Variants in AMBRA1 observed in about 807,000 individuals in gnomAD.
AMBRA1 encodes the protein activating molecule in BECN1-regulated autophagy protein 1.
A neutral mutation model predicts 125.4 loss-of-function variants in AMBRA1; 47 were observed. That is an observed-to-expected ratio of 0.37 (90% confidence interval 0.30 to 0.48). The LOEUF (loss-of-function observed/expected upper bound fraction) is 0.48, where lower values mean the gene tolerates loss of function less well. Among genes scored for constraint, AMBRA1 ranks in the 20% least tolerant of loss-of-function variants. AMBRA1 has a pLI of 0.99. For missense variants in AMBRA1, 1,331 were observed against 1,693.4 expected (o/e 0.79, Z 3.76); for synonymous variants, 626 against 655.5 (o/e 0.95, Z 0.69).
chr11:46,573,087 G>A (rs529592859), intron 1 of AMBRA1, among the ~76,000 whole-genome samples: 1 of 142,406 alleles, frequency 7.0e-6, no homozygotes, highest in Admixed American at 7.2e-5. Flanking sequence ...GGCAACAAGA[G>A]CAAAACTCTG....
intron 11 of AMBRA1, among the ~76,000 whole-genome samples, chr11:46,449,596 C>A (rs1380509817): frequency 6.6e-6 from 1 of 152,184 alleles, no homozygotes; most frequent in Non-Finnish European, 1.5e-5. Context: ...AATGTCAATT[C>A]TTCTCAGCTG....
chr11:46,454,184 T>C lies in AMBRA1; in HGVS notation c.2522-10586A>G, dbSNP rs185304081. On this transcript the variant is annotated intron_variant, in intron 11 of 17. Coordinates refer to ENST00000683756, the MANE Select transcript of AMBRA1 (RefSeq NM_001387011.1). ...ATGAGGAAAGGAAAAGAAATAGCTATGAAATTTTTTTTTAATTTTTAATTT... is the reference window on the plus strand; with the variant it reads ...ATGAGGAAAGGAAAAGAAATAGCTACGAAATTTTTTTTTAATTTTTAATTT... Among the ~76,000 whole-genome samples, 420 of 152,082 alleles carry C rather than the reference T, an allele frequency of 2.8e-3. 3 individuals are homozygous for C. The highest frequency in any genetic ancestry group is 9.8e-3 in the African/African-American group (405 of 41,504).
rs1289638734 is a variant in AMBRA1 at position 46,543,126 on chromosome 11, G to C, written c.891C>G (p.Pro297=). Residue 297 remains proline (P), a synonymous_variant, in exon 7 of 18, where the codon CCC becomes CCG. Transcript: ENST00000683756. ...CAAGGTGCTGGCAGCACTCAGCTGT[G>C]GGGTAACTGACCCGCTGTCGGAGCC... is the stretch of plus-strand genomic sequence containing the variant. The part of the protein sequence containing the change: ...YIRLRQRVSY[P]TAECCQHLGI... 2.5e-6 allele frequency: 4 copies of C among 1,571,484 alleles called. No homozygotes were observed. The highest frequency in any genetic ancestry group is 3.4e-6 in the Non-Finnish European group (4 of 1,164,382).
intron 1 of AMBRA1, among the ~76,000 whole-genome samples, chr11:46,585,665 C>CAAAAAAAAAAAAA (rs1157368065): frequency 1.3e-4 from 1 of 7,598 alleles, no homozygotes; most frequent in Non-Finnish European, 2.1e-4. Flanking sequence ...GACTCCATCT[C>CAAAAAAAAAAAAA]AAAAAAAAAA....
chr11:46,575,490 C>T (rs1591168561), intron 1 of AMBRA1, among the ~76,000 whole-genome samples: 1 of 143,090 alleles, frequency 7.0e-6, no homozygotes. Context: ...TTATAAACAA[C>T]AGAAATTTGT....
At chr11:46,461,447 G>C (rs1949085110) in intron 11 of AMBRA1, among the ~76,000 whole-genome samples, 1 of 152,212 alleles carries the variant, frequency 6.6e-6, no homozygotes, top group Non-Finnish European at 1.5e-5. Context: ...CAATAGGAAG[G>C]AAGGAAGCAA....
intron 11 of AMBRA1, among the ~76,000 whole-genome samples, chr11:46,448,064 T>TA (rs1329018195): frequency 6.6e-6 from 1 of 152,188 alleles, no homozygotes; most frequent in Admixed American, 6.5e-5. Context: ...TGTCCTTGTG[T>TA]AAGAGACTGG....
At chr11:46,430,949 CA>C in intron 14 of AMBRA1, among the ~76,000 whole-genome samples, 1 of 152,204 alleles carries the variant, frequency 6.6e-6, no homozygotes, top group African/African-American at 2.4e-5. Flanking sequence ...TGTTCTCAGA[CA>C]AAAATTCACT....
intron 11 of AMBRA1, among the ~76,000 whole-genome samples, chr11:46,485,567 C>T (rs1022028422): frequency 6.6e-6 from 1 of 152,202 alleles, no homozygotes; most frequent in Non-Finnish European, 1.5e-5. Flanking sequence ...AGACAGTAAA[C>T]TCCCTGAGGG....
At chr11:46,485,188 T>G (rs188978838) in intron 11 of AMBRA1, among the ~76,000 whole-genome samples, 1 of 152,250 alleles carries the variant, frequency 6.6e-6, no homozygotes, top group African/African-American at 2.4e-5. Context: ...TCCGCCCGCC[T>G]TGGCCTCCCA....
chr11:46,454,496 G>A (rs1948758552), intron 11 of AMBRA1, among the ~76,000 whole-genome samples: 1 of 150,234 alleles, frequency 6.7e-6, no homozygotes, highest in Non-Finnish European at 1.5e-5. Flanking sequence ...AGCACTTTGG[G>A]AGGCCAAGGC....
At chr11:46,546,909 A>G (rs1953047019) in intron 4 of AMBRA1, 1 of 435,850 alleles carries the variant, frequency 2.3e-6, no homozygotes. Context: ...CGTCTCTACT[A>G]AAAACACAAA....
rs1386708285 is a variant in AMBRA1, at chr11:46,428,813, C to T, written c.2976+4661G>A. The T allele has an allele frequency of 5.2e-5, 83 of 1,611,196 alleles. No individual in the cohort carries two copies. In the Admixed American group the frequency reaches 1.0e-3, roughly 19 times the overall value. On this transcript the variant is annotated intron_variant, in intron 14 of 17. Coordinates refer to ENST00000683756, the MANE Select transcript of AMBRA1 (RefSeq NM_001387011.1). ...TTCCCCTCTTGTGAGTCTCGCAGGT[C>T]GCTCACCCTCCAGACCTTTAGGCCG...
chr11:46,580,917 G>GT (rs543722608), intron 1 of AMBRA1, among the ~76,000 whole-genome samples: 103 of 152,052 alleles, frequency 6.8e-4, no homozygotes, highest in Non-Finnish European at 9.9e-4. Context: ...TTAGCCTCTT[G>GT]AGTAGCTGTA....
chr11:46,496,881 G>A (rs1590954726), intron 9 of AMBRA1, among the ~76,000 whole-genome samples: 2 of 151,288 alleles, frequency 1.3e-5, no homozygotes, highest in East Asian at 3.9e-4. Context: ...GGAGGCTGAG[G>A]CGGGCAGATC....
At chr11:46,457,366 T>C (rs1386058730) in intron 11 of AMBRA1, among the ~76,000 whole-genome samples, 1 of 152,126 alleles carries the variant, frequency 6.6e-6, no homozygotes, top group Non-Finnish European at 1.5e-5. Flanking sequence ...GATCGGAAAA[T>C]GGACTCCTAA....
chr11:46,467,255 T>C (rs914335954), intron 11 of AMBRA1, among the ~76,000 whole-genome samples: 2 of 152,138 alleles, frequency 1.3e-5, no homozygotes, highest in African/African-American at 4.8e-5. Context: ...ATCTACTGAT[T>C]TCCTATGATG....
chr11:46,579,041 G>T (rs1280125023), intron 1 of AMBRA1, among the ~76,000 whole-genome samples: 18 of 47,660 alleles, frequency 3.8e-4, no homozygotes, highest in Non-Finnish European at 4.1e-5. Flanking sequence ...CCACAAGAAA[G>T]CAATAAAAAA....
At chr11:46,551,825 C>T (rs779031029) in intron 1 of AMBRA1, among the ~76,000 whole-genome samples, 3 of 151,916 alleles carry the variant, frequency 2.0e-5, no homozygotes, top group Non-Finnish European at 2.9e-5. Flanking sequence ...GTCAGGAGTT[C>T]GAGACCAGCC....
Sources: gnomAD v4.1 joint callset for allele counts (sites outside exome capture counted in the v4.1 genomes callset) on GRCh38, gnomAD v4.1.1 for gene constraint, MANE v1.5 for transcripts, NCBI Gene and HGNC (gene_info 2026-07-23, HGNC 2026-07-21) for gene names.